CBLN2: variants seen among roughly 807,000 people sequenced by gnomAD.
The protein encoded by CBLN2 is cerebellin 2 precursor, also known as cerebellin-2.
CBLN2 carries 7 observed loss-of-function variants against 15.0 expected under a neutral mutation model. The ratio of observed to expected loss-of-function variants is 0.47; its 90% CI spans 0.27 to 0.88. CBLN2 has a LOEUF of 0.88. Ranked by LOEUF, CBLN2 falls within the 40% of genes least tolerant of loss-of-function variation. The probability of loss-of-function intolerance (pLI) is 0.14; values close to 1 mark genes in which losing one functional copy is unlikely to be tolerated. For synonymous variants in CBLN2, 149 were observed against 135.2 expected (o/e 1.10, Z -0.71); for missense variants, 242 against 304.5 (o/e 0.79, Z 1.53).
intron 1 of CBLN2, among the ~76,000 whole-genome samples, chr18:72,557,710 C>T (rs1261383292): frequency 6.6e-6 from 1 of 152,088 alleles, no homozygotes; most frequent in Non-Finnish European, 1.5e-5. Flanking sequence ...AAAATGAGAA[C>T]ACATGGACAC....
At position 72,584,329 on chromosome 18, in the gene CBLN2, CT is replaced by C. The variant is rs539125433; in HGVS notation, c.16-45558del. Reference sequence around the variant, plus strand: ...TACCAATCCTTTTTTTTTTTTTCCCCTGAGACGAAGTCTTGCTCTGTCACCA... The same window carrying C: ...TACCAATCCTTTTTTTTTTTTTCCCCGAGACGAAGTCTTGCTCTGTCACCA... On this transcript the variant is annotated intron_variant, in intron 1 of 2. Transcript: ENST00000581073. Among the ~76,000 whole-genome samples, 555 of 150,224 alleles carry C rather than the reference CT, an allele frequency of 3.7e-3. 2 individuals carry two copies. Among genetic ancestry groups the C allele is most frequent in the Non-Finnish European group, 5.7e-3 (383 of 67,628 alleles).
chr18:72,557,626 C>G (rs2069234696), intron 1 of CBLN2, among the ~76,000 whole-genome samples: 2 of 152,124 alleles, frequency 1.3e-5, no homozygotes, highest in Admixed American at 1.3e-4. Context: ...GAGCTAGAAG[C>G]CATTATCCTC....
At chr18:72,630,428 T>A (rs2069767211) in intron 1 of CBLN2, among the ~76,000 whole-genome samples, 1 of 151,970 alleles carries the variant, frequency 6.6e-6, no homozygotes, top group South Asian at 2.1e-4. Flanking sequence ...AGCACACTGA[T>A]GAAGTAAACT....
At chr18:72,636,280 T>C (rs2069811904) in intron 1 of CBLN2, among the ~76,000 whole-genome samples, 1 of 152,224 alleles carries the variant, frequency 6.6e-6, no homozygotes, top group South Asian at 2.1e-4. Context: ...TAAGCAAGCA[T>C]CTATTTTCTT....
chr18:72,630,115 G>A (rs1341966680), intron 1 of CBLN2, among the ~76,000 whole-genome samples: 7 of 152,096 alleles, frequency 4.6e-5, no homozygotes, highest in Non-Finnish European at 8.8e-5. Context: ...GGCTTCATAC[G>A]CTTAAGATTT....
intron 1 of CBLN2, chr18:72,618,144 T>G (rs1254848170): frequency 1.2e-5 from 2 of 160,968 alleles, no homozygotes; most frequent in Admixed American, 1.2e-4. Flanking sequence ...TCTTATATTA[T>G]TGGTCTTTTC....
intron 1 of CBLN2, among the ~76,000 whole-genome samples, chr18:72,602,837 G>T (rs2069557833): frequency 6.6e-6 from 1 of 152,134 alleles, no homozygotes; most frequent in African/African-American, 2.4e-5. Context: ...GTCTTGCCTA[G>T]CCAGCTTCCT....
intron 1 of CBLN2, among the ~76,000 whole-genome samples, chr18:72,561,787 C>T (rs554379287): frequency 4.6e-5 from 7 of 152,186 alleles, no homozygotes; most frequent in East Asian, 1.9e-4. Context: ...TCCCTCTGTC[C>T]GTGCGGCAAT....
chr18:72,586,717 G>A (rs1279687404), intron 1 of CBLN2, among the ~76,000 whole-genome samples: 1 of 152,156 alleles, frequency 6.6e-6, no homozygotes, highest in Non-Finnish European at 1.5e-5. Flanking sequence ...TGGAAATCTA[G>A]CTGAAAAGAG....
At chr18:72,565,809 A>G (rs1021810633) in intron 1 of CBLN2, among the ~76,000 whole-genome samples, 1 of 152,188 alleles carries the variant, frequency 6.6e-6, no homozygotes, top group Admixed American at 6.5e-5. Context: ...AAAAATAGAC[A>G]ATTAAATTTA....
intron 1 of CBLN2, among the ~76,000 whole-genome samples, chr18:72,592,086 C>T (rs952967509): frequency 6.6e-6 from 1 of 152,050 alleles, no homozygotes; most frequent in Admixed American, 6.5e-5. Context: ...TTTACATTCC[C>T]ACCAACATGT....
chr18:72,623,278 T>A (rs892386996), intron 1 of CBLN2, among the ~76,000 whole-genome samples: 1 of 152,126 alleles, frequency 6.6e-6, no homozygotes, highest in African/African-American at 2.4e-5. Flanking sequence ...CCAAACCATA[T>A]GACCTGGTAA....
At chr18:72,541,687 A>T in intron 3 of CBLN2, 117 bp downstream of exon 3, 1 of 700,402 alleles carries the variant, frequency 1.4e-6, no homozygotes, top group Non-Finnish European at 2.3e-6. Flanking sequence ...AGCAGGGCAG[A>T]GGGGGAGGAC....
chr18:72,544,972 G>GTTA (rs2069147823), upstream of CBLN2, among the ~76,000 whole-genome samples: 1 of 56,476 alleles, frequency 1.8e-5, no homozygotes, highest in Non-Finnish European at 4.5e-5. Context: ...TTTCTGATAG[G>GTTA]CTAATAATAA....
At chr18:72,624,151 G>C (rs938734194) in intron 1 of CBLN2, among the ~76,000 whole-genome samples, 1 of 151,786 alleles carries the variant, frequency 6.6e-6, no homozygotes, top group African/African-American at 2.4e-5. Flanking sequence ...GAATTTGTCT[G>C]AGTTCAGCAC....
intron 3 of CBLN2, chr18:72,539,305 G>A (rs1290740063): frequency 6.5e-6 from 1 of 153,846 alleles, no homozygotes; most frequent in Admixed American, 6.4e-5. Flanking sequence ...CTAACTTCAC[G>A]TGCTCCCAGA....
At chr18:72,554,901 C>T (rs992482136) in intron 1 of CBLN2, among the ~76,000 whole-genome samples, 2 of 152,108 alleles carry the variant, frequency 1.3e-5, no homozygotes, top group African/African-American at 4.8e-5. Flanking sequence ...TCTGGGAGGC[C>T]TAGATGGGCG....
rs2069066227 is a variant in CBLN2, at chr18:72,536,805, G to C, written c.*1371C>G. The C allele has an allele frequency of 6.6e-6, 1 of 152,534 alleles. No homozygotes were observed. The highest frequency in any genetic ancestry group is 1.5e-5 in the Non-Finnish European group (1 of 68,032). 9.4% of individuals were successfully genotyped at this position (152,534 alleles called of 1,614,324 possible). A position where few individuals can be genotyped will look rare whatever the true frequency, so the allele number is the denominator to read the frequency against. On this transcript the variant is annotated 3_prime_UTR_variant, in exon 5 of 5. Coordinates refer to ENST00000269503, the MANE Select transcript of CBLN2 (RefSeq NM_182511.4). ...GAGGTCTCCTTTTTGATTGCTTTGG[G>C]ATTAGTGACATTTCCTTGGCATATG...
At chr18:72,632,380 G>T (rs188618850) in intron 1 of CBLN2, among the ~76,000 whole-genome samples, 73 of 152,210 alleles carry the variant, frequency 4.8e-4, no homozygotes, top group Middle Eastern at 3.4e-3. Context: ...TTTAATTGAA[G>T]TCAAAAATAA....
Sources: gnomAD v4.1 joint callset for allele counts (sites outside exome capture counted in the v4.1 genomes callset) on GRCh38, gnomAD v4.1.1 for gene constraint, MANE v1.5 for transcripts, NCBI Gene and HGNC (gene_info 2026-07-23, HGNC 2026-07-21) for gene names.